The following PARN variants were observed in gnomAD, a reference collection of about 807,000 sequenced individuals.
PARN encodes the protein poly(A)-specific ribonuclease.
In PARN, 71 loss-of-function variants were observed where a neutral mutation model predicts 102.8. The ratio of observed to expected loss-of-function variants is 0.69; its 90% CI spans 0.57 to 0.84. The LOEUF (loss-of-function observed/expected upper bound fraction) is 0.84, where lower values mean the gene tolerates loss of function less well. PARN is among the 40% of genes least tolerant of loss of function. The pLI is 0.00. For missense variants in PARN, 782 were observed against 760.9 expected, an observed-to-expected ratio of 1.03 and a Z score of -0.33; for synonymous variants, 261 against 252.9, an observed-to-expected ratio of 1.03 and a Z score of -0.30.
intron 5 of PARN, among the ~76,000 whole-genome samples, chr16:14,620,608 G>A (rs968650630): frequency 1.3e-5 from 2 of 152,166 alleles, no homozygotes; most frequent in African/African-American, 4.8e-5. Flanking sequence ...AGTCTAGATT[G>A]AAGGACATGG....
intron 5 of PARN, 64 bp downstream of exon 5, chr16:14,627,042 T>A: frequency 1.1e-6 from 1 of 938,752 alleles, no homozygotes. Flanking sequence ...CAAATTCTGA[T>A]TTCACATTTC....
At chr16:14,552,134 A>G (rs1967344267) in intron 20 of PARN, 39 bp from the exon 21 acceptor site, 1 of 1,279,256 alleles carries the variant, frequency 7.8e-7, no homozygotes, top group African/African-American at 1.5e-5. Flanking sequence ...ACATTTGACC[A>G]TGTGGAGAGC....
intron 22 of PARN, among the ~76,000 whole-genome samples, chr16:14,468,496 G>A (rs1962505250): frequency 6.6e-6 from 1 of 152,108 alleles, no homozygotes; most frequent in Admixed American, 6.5e-5. Flanking sequence ...GGCACAAGGA[G>A]CAAGAATAGC....
At chr16:14,462,159 T>C (rs1003631925) in intron 22 of PARN, among the ~76,000 whole-genome samples, 8 of 152,098 alleles carry the variant, frequency 5.3e-5, no homozygotes, top group Non-Finnish European at 1.0e-4. Flanking sequence ...AATGTCCTTA[T>C]AGACATAAAA....
intron 21 of PARN, among the ~76,000 whole-genome samples, chr16:14,541,320 T>C (rs982635169): frequency 7.9e-5 from 12 of 152,006 alleles, no homozygotes; most frequent in African/African-American, 2.4e-4. Context: ...TATTGGTATA[T>C]AGACCCAGCC....
intron 21 of PARN, among the ~76,000 whole-genome samples, chr16:14,520,393 ATT>A (rs1965676210): frequency 6.6e-6 from 1 of 152,172 alleles, no homozygotes; most frequent in Admixed American, 6.5e-5. Flanking sequence ...TTAATGATTT[ATT>A]TTTTAGGAGC....
intron 17 of PARN, among the ~76,000 whole-genome samples, chr16:14,581,720 G>C (rs1311016937): frequency 6.6e-6 from 1 of 152,128 alleles, no homozygotes; most frequent in Non-Finnish European, 1.5e-5. Context: ...AGAAATTCTA[G>C]ATCAGCCTGG....
chr16:14,493,529 A>G (rs1964160066), intron 21 of PARN, among the ~76,000 whole-genome samples: 1 of 152,196 alleles, frequency 6.6e-6, no homozygotes, highest in Admixed American at 6.5e-5. Context: ...TCATTCAATA[A>G]ACACTGGCAC....
chr16:14,554,035 C>G (rs369829122), intron 20 of PARN, 30 bp downstream of exon 20: 12 of 1,497,928 alleles, frequency 8.0e-6, no homozygotes, highest in Admixed American at 1.8e-5. Flanking sequence ...TAGCAAAACC[C>G]TAAAAAGTAC....
intron 22 of PARN, among the ~76,000 whole-genome samples, chr16:14,448,134 G>C (rs1352686435): frequency 6.6e-6 from 1 of 150,662 alleles, no homozygotes; most frequent in East Asian, 1.9e-4. Context: ...ACAGGCACCC[G>C]CCACCATGTC....
At position 14,580,862 on chromosome 16, in the gene PARN, C is replaced by G. The variant is rs1969489822; in HGVS notation, c.1262+12G>C. 6.5e-7 allele frequency: 1 copy of G among 1,549,940 alleles called. No individual in the cohort carries two copies. On this transcript the variant is annotated intron_variant, in intron 18 of 23. Transcript: ENST00000437198. ...GAGAGAACTTGGAAACTGGAACTCT[C>G]TGATTACTTACTTGTTAAAAAAAGG...
intron 2 of PARN, 82 bp downstream of exon 2, chr16:14,629,515 T>G: frequency 9.9e-7 from 1 of 1,013,474 alleles, no homozygotes; most frequent in Non-Finnish European, 1.6e-6. Context: ...CCACCAAGCA[T>G]AAGAAGTTGG....
chr16:14,460,839 T>C (rs190277134), intron 22 of PARN, among the ~76,000 whole-genome samples: 53 of 152,122 alleles, frequency 3.5e-4, no homozygotes, highest in Admixed American at 3.1e-3. Flanking sequence ...CCCAAGGAGG[T>C]GGAACATAAC....
intron 5 of PARN, among the ~76,000 whole-genome samples, chr16:14,620,239 C>T (rs945655127): frequency 5.4e-5 from 8 of 148,814 alleles, no homozygotes; most frequent in Admixed American, 2.7e-4. Context: ...TAGCCAGGCG[C>T]GGTAGTGGGC....
chr16:14,566,187 T>C (rs776029969), intron 18 of PARN, among the ~76,000 whole-genome samples: 3 of 152,182 alleles, frequency 2.0e-5, no homozygotes, highest in Non-Finnish European at 4.4e-5. Flanking sequence ...GGAATCTTAG[T>C]AGATGTTATT....
intron 22 of PARN, among the ~76,000 whole-genome samples, chr16:14,468,993 T>TA (rs1176474386): frequency 1.3e-5 from 2 of 149,240 alleles, no homozygotes; most frequent in African/African-American, 2.5e-5. Flanking sequence ...AAAACACACA[T>TA]AAAAAAACGA....
intron 12 of PARN, among the ~76,000 whole-genome samples, chr16:14,594,674 C>T (rs1301185166): frequency 6.6e-6 from 1 of 152,136 alleles, no homozygotes; most frequent in Non-Finnish European, 1.5e-5. Context: ...TGAGATCGCA[C>T]CACTGCACTC....
chr16:14,467,735 A>T (rs1233732892), intron 22 of PARN, among the ~76,000 whole-genome samples: 1 of 152,226 alleles, frequency 6.6e-6, no homozygotes, highest in Non-Finnish European at 1.5e-5. Flanking sequence ...AAGGCAATAC[A>T]AATAAGGTAG....
At chr16:14,602,795 G>C (rs1970955651) in intron 11 of PARN, among the ~76,000 whole-genome samples, 1 of 152,154 alleles carries the variant, frequency 6.6e-6, no homozygotes, top group Non-Finnish European at 1.5e-5. Flanking sequence ...GGGTTCTGAG[G>C]AGGTGTGGGG....
Sources: allele counts gnomAD v4.1 joint callset (sites outside exome capture counted in the v4.1 genomes callset), GRCh38; gene constraint gnomAD v4.1.1; transcripts MANE v1.5; gene names NCBI Gene and HGNC (gene_info 2026-07-23, HGNC 2026-07-21).